The following TULP4 variants were observed in gnomAD, a reference collection of about 807,000 sequenced individuals.
The protein encoded by TULP4 is tubby-related protein 4.
Under a neutral mutation model 129.0 loss-of-function variants are expected in TULP4, and 16 were observed. The ratio of observed to expected loss-of-function variants is 0.12; its 90% CI spans 0.08 to 0.19. The LOEUF is 0.19. TULP4 is among the 10% of genes least tolerant of loss of function. The probability of loss-of-function intolerance (pLI) is 1.00; values close to 1 mark genes in which losing one functional copy is unlikely to be tolerated. For missense variants in TULP4, 1,842 were observed against 2,059.1 expected, an observed-to-expected ratio of 0.89 and a Z score of 2.04; for synonymous variants, 998 against 854.0, an observed-to-expected ratio of 1.17 and a Z score of -2.94.
At chr6:158,431,198 C>T (rs1486396854) in intron 3 of TULP4, among the ~76,000 whole-genome samples, 1 of 152,012 alleles carries the variant, frequency 6.6e-6, no homozygotes, top group African/African-American at 2.4e-5. Flanking sequence ...CTCAGAAGTG[C>T]GTTGCATTAA....
intron 1 of TULP4, chr6:158,397,799 A>T (rs1226576362): frequency 6.6e-6 from 1 of 152,240 alleles, no homozygotes; most frequent in Non-Finnish European, 1.5e-5. Flanking sequence ...GATCTGGGGC[A>T]TTGTTTGTCA....
chr6:158,354,901 A>AC (rs1780609384), intron 1 of TULP4, among the ~76,000 whole-genome samples: 3 of 151,482 alleles, frequency 2.0e-5, no homozygotes, highest in South Asian at 2.1e-4. Flanking sequence ...AAAAAAAAAA[A>AC]AACCAGAAAG....
intron 1 of TULP4, among the ~76,000 whole-genome samples, chr6:158,352,673 G>A (rs1468852839): frequency 6.6e-6 from 1 of 152,202 alleles, no homozygotes; most frequent in Non-Finnish European, 1.5e-5. Flanking sequence ...GGGATTACAG[G>A]CGTGAGCCAC....
At chr6:158,329,774 G>A (rs909563419) in intron 1 of TULP4, among the ~76,000 whole-genome samples, 1 of 152,060 alleles carries the variant, frequency 6.6e-6, no homozygotes, top group African/African-American at 2.4e-5. Context: ...GCTTTTGCTT[G>A]TCTCCTAGGC....
At chr6:158,408,999 TTCTG>T (rs1778026932) in intron 1 of TULP4, among the ~76,000 whole-genome samples, 12 of 152,238 alleles carry the variant, frequency 7.9e-5, no homozygotes, top group Admixed American at 5.9e-4. Context: ...AGAGAAATCC[TTCTG>T]AATAGTGATG....
At chr6:158,264,078 A>C (rs1315964469) in intron 1 of TULP4, among the ~76,000 whole-genome samples, 1 of 152,178 alleles carries the variant, frequency 6.6e-6, no homozygotes, top group African/African-American at 2.4e-5. Context: ...CAAAAAAACA[A>C]AACAAAAAGC....
At position 158,306,575 on chromosome 6, in the gene TULP4, AAGAT is replaced by A. The variant is rs534226155; in HGVS notation, n.117-5467_117-5464del. On this transcript the variant is annotated intron_variant and non_coding_transcript_variant, in intron 1 of 1. Transcript: ENST00000432358. ...CCTTTTCAAAATAAAGAAAGAAGGAAAGATAGATAGATTTACATTTTAGAGAGTT... is the reference window on the plus strand; with the variant it reads ...CCTTTTCAAAATAAAGAAAGAAGGAAAGATAGATTTACATTTTAGAGAGTT... Among the ~76,000 whole-genome samples, 213 of 152,344 alleles carry A rather than the reference AAGAT, an allele frequency of 1.4e-3. 1 individual carries two copies. Among genetic ancestry groups the A allele is most frequent in the African/African-American group, 4.5e-3 (187 of 41,578 alleles).
chr6:158,448,936 G>C, intron 3 of TULP4, 60 bp from the exon 4 acceptor site: 1 of 1,520,938 alleles, frequency 6.6e-7, no homozygotes, highest in Non-Finnish European at 8.9e-7. Flanking sequence ...GAGGCAACAA[G>C]GTGTGCCAGA....
At chr6:158,498,847 C>CCCTCT in intron 12 of TULP4, 35 bp downstream of exon 12, 2 of 1,610,428 alleles carry the variant, frequency 1.2e-6, no homozygotes, top group Non-Finnish European at 1.7e-6. Flanking sequence ...TTGTCACGGT[C>CCCTCT]CCTCTGTCAG....
chr6:158,443,912 A>G (rs1200089448), intron 3 of TULP4, among the ~76,000 whole-genome samples: 1 of 152,116 alleles, frequency 6.6e-6, no homozygotes, highest in Non-Finnish European at 1.5e-5. Context: ...TCTGAAACCC[A>G]ACAGGGAGGT....
chr6:158,288,759 C>T (rs1268041935), intron 1 of TULP4, among the ~76,000 whole-genome samples: 2 of 152,290 alleles, frequency 1.3e-5, no homozygotes, highest in Middle Eastern at 3.4e-3. Context: ...CTCGACCTCC[C>T]AAAGTGCTGG....
At chr6:158,456,588 CT>C (rs1391066642) in intron 5 of TULP4, among the ~76,000 whole-genome samples, 1 of 152,178 alleles carries the variant, frequency 6.6e-6, no homozygotes, top group East Asian at 1.9e-4. Context: ...AATCCCAGCA[CT>C]TTGGGAGGCT....
At chr6:158,384,369 G>C (rs1562544071) in intron 1 of TULP4, among the ~76,000 whole-genome samples, 1 of 150,124 alleles carries the variant, frequency 6.7e-6, no homozygotes, top group Non-Finnish European at 1.5e-5. Flanking sequence ...CTCACTGCAA[G>C]CTCCACCTCC....
chr6:158,294,228 G>T (rs1054875322), intron 1 of TULP4, among the ~76,000 whole-genome samples: 3 of 152,050 alleles, frequency 2.0e-5, no homozygotes, highest in Non-Finnish European at 4.4e-5. Context: ...GCTGGGCGTG[G>T]TGGTGGGCAC....
intron 1 of TULP4, among the ~76,000 whole-genome samples, chr6:158,299,525 C>T (rs558290017): frequency 6.6e-6 from 1 of 152,286 alleles, no homozygotes; most frequent in East Asian, 1.9e-4. Flanking sequence ...CAAATGTCCC[C>T]ATTCCCTTGT....
At chr6:158,447,074 G>A (rs1779066362) in intron 3 of TULP4, among the ~76,000 whole-genome samples, 1 of 152,048 alleles carries the variant, frequency 6.6e-6, no homozygotes, top group Admixed American at 6.5e-5. Flanking sequence ...CACAGTAAAG[G>A]GATGAGAATA....
At chr6:158,436,972 C>T (rs778404413) in intron 3 of TULP4, among the ~76,000 whole-genome samples, 5 of 152,076 alleles carry the variant, frequency 3.3e-5, no homozygotes, top group Non-Finnish European at 7.3e-5. Context: ...GGTTTTGCAC[C>T]CTGTGTAGTC....
rs917892541 is a variant in TULP4, at chr6:158,461,803, C to T, written c.1026+74C>T. ...AATAGGTTATTATAATTATTGTTGA[C>T]AAATTTTATTTTAATCTTTTTTTAC... On this transcript the variant is annotated intron_variant, in intron 6 of 13. Transcript: ENST00000367097. 51 of 1,485,638 alleles carry T rather than the reference C, an allele frequency of 3.4e-5. No individual in the cohort carries two copies. In the Middle Eastern group the frequency reaches 1.8e-3, roughly 52 times the overall value. The allele number at this position is 1,485,638 out of a possible 1,614,324, so 92.0% of individuals were successfully genotyped here. A position where few individuals can be genotyped will look rare whatever the true frequency, so the allele number is the denominator to read the frequency against.
intron 1 of TULP4, among the ~76,000 whole-genome samples, chr6:158,276,880 G>T (rs1562503049): frequency 1.3e-5 from 2 of 152,026 alleles, no homozygotes; most frequent in East Asian, 1.9e-4. Context: ...GAACCCACAT[G>T]TTTGTTTGTT....
Sources: gnomAD v4.1 joint callset for allele counts (sites outside exome capture counted in the v4.1 genomes callset) on GRCh38, gnomAD v4.1.1 for gene constraint, MANE v1.5 for transcripts, NCBI Gene and HGNC (gene_info 2026-07-23, HGNC 2026-07-21) for gene names.